The following RHOA variants were observed in gnomAD, a reference collection of about 807,000 sequenced individuals.
The protein encoded by RHOA is ras homolog family member A.
In RHOA, 3 loss-of-function variants were observed where a neutral mutation model predicts 17.5. The ratio of observed to expected loss-of-function variants is 0.17; its 90% CI spans 0.08 to 0.44. RHOA has a LOEUF of 0.44. Among genes scored for constraint, RHOA ranks in the 20% least tolerant of loss-of-function variants. RHOA has a pLI of 0.99. For synonymous variants in RHOA, 98 were observed against 88.4 expected (o/e 1.11, Z -0.61); for missense variants, 56 against 242.3 (o/e 0.23, Z 5.10).
At chr3:49,382,060 C>A (rs1440540820) in intron 1 of RHOA, among the ~76,000 whole-genome samples, 1 of 152,068 alleles carries the variant, frequency 6.6e-6, no homozygotes, top group Non-Finnish European at 1.5e-5. Context: ...TGGCTCACAC[C>A]TGTAATCCCA....
rs574275589 is a variant in RHOA at position 49,411,961 on chromosome 3, G to A, written c.-144C>T. The A allele has an allele frequency of 6.4e-6, 1 of 157,142 alleles. No individual in the cohort carries two copies. The highest frequency in any genetic ancestry group is 2.4e-5 in the African/African-American group (1 of 41,572). The allele number at this position is 157,142 out of a possible 1,614,324, so 9.7% of individuals were successfully genotyped here. A position where few individuals can be genotyped will look rare whatever the true frequency, so the allele number is the denominator to read the frequency against. ...GACGGAGGACCGCGGGCGGCGGGAG[G>A]GTAGCGCGAGAGAGCGAGGGCGGGC... On this transcript the variant is annotated 5_prime_UTR_variant, in exon 1 of 5. Coordinates refer to ENST00000418115, the MANE Select transcript of RHOA (RefSeq NM_001664.4).
At chr3:49,408,703 A>T (rs1210270150) in intron 1 of RHOA, among the ~76,000 whole-genome samples, 1 of 152,234 alleles carries the variant, frequency 6.6e-6, no homozygotes, top group African/African-American at 2.4e-5. Flanking sequence ...AAATTTAGTT[A>T]TATTAATGTG....
At chr3:49,387,148 A>C (rs1347793600) in intron 1 of RHOA, among the ~76,000 whole-genome samples, 19 of 93,104 alleles carry the variant, frequency 2.0e-4, no homozygotes, top group African/African-American at 5.9e-4. Context: ...AAAAAAAAAA[A>C]AAAAAAAAAA....
chr3:49,405,093 C>CA (rs72492742), intron 1 of RHOA, among the ~76,000 whole-genome samples: 6,966 of 133,774 alleles, frequency 0.052, 541 homozygotes, highest in African/African-American at 0.17. Flanking sequence ...ACTAAAAATA[C>CA]AAAAAAAAAA....
At chr3:49,399,196 C>T (rs148571180) in intron 1 of RHOA, among the ~76,000 whole-genome samples, 3 of 151,558 alleles carry the variant, frequency 2.0e-5, no homozygotes, top group Non-Finnish European at 4.4e-5. Flanking sequence ...AGTGAAACCC[C>T]GTCTCTACTA....
At chr3:49,365,023 A>G (rs1234920110) in intron 3 of RHOA, 1 of 151,616 alleles carries the variant, frequency 6.6e-6, no homozygotes, top group Non-Finnish European at 1.5e-5. Context: ...ACCATGACCC[A>G]CCTCTACAAA....
Position 49,360,340 on chromosome 3 carries a change from T to A in RHOA, c.451A>T (p.Ile151Phe). Residue 151 changes from isoleucine (I) to phenylalanine (F), a missense_variant, in exon 5 of 5, where the codon ATT becomes TTT. Transcript: ENST00000418115. Reference protein sequence around the residue: ...PEEGRDMANRIGAFGYMECSA... With the variant: ...PEEGRDMANRFGAFGYMECSA... ...CACTCCATGTACCCAAAAGCGCCAA[T>A]CCTGTTTGCCATATCTCTGCCTTCT... The A allele has an allele frequency of 6.2e-7, 1 of 1,613,730 alleles. No individual in the cohort carries two copies. Among genetic ancestry groups the A allele is most frequent in the Non-Finnish European group, 8.5e-7 (1 of 1,179,902 alleles).
chr3:49,375,941 C>T (rs553651140), intron 1 of RHOA, among the ~76,000 whole-genome samples: 3 of 152,050 alleles, frequency 2.0e-5, no homozygotes, highest in Admixed American at 6.6e-5. Flanking sequence ...TCCAGCCTCC[C>T]GGGTTCAAGC....
In RHOA at chr3:49,360,206, G is replaced by T. The variant is rs372122347; in HGVS notation, c.*3C>A. On this transcript the variant is annotated 3_prime_UTR_variant, in exon 5 of 5. Coordinates refer to ENST00000418115, the MANE Select transcript of RHOA (RefSeq NM_001664.4). ...GCATAAGGGCTGTGCTTGCAGCAAG[G>T]TTTCACAAGACAAGGCACCCAGATT... 17 of 1,612,608 alleles carry T rather than the reference G, an allele frequency of 1.1e-5. No homozygotes were observed. In the Admixed American group the frequency reaches 1.3e-4, roughly 13 times the overall value.
chr3:49,374,194 C>CA (rs2048188707), intron 2 of RHOA, among the ~76,000 whole-genome samples: 1 of 151,976 alleles, frequency 6.6e-6, no homozygotes, highest in Non-Finnish European at 1.5e-5. Context: ...ACTAAAAATA[C>CA]AAAAAATTAG....
At chr3:49,374,414 G>A (rs575882512) in intron 2 of RHOA, among the ~76,000 whole-genome samples, 49 of 152,016 alleles carry the variant, frequency 3.2e-4, no homozygotes, top group African/African-American at 1.1e-3. Flanking sequence ...TCAAATATAC[G>A]TAAACTTGAA....
chr3:49,372,445 G>T (rs1199626287), intron 2 of RHOA, among the ~76,000 whole-genome samples: 1 of 152,122 alleles, frequency 6.6e-6, no homozygotes. Context: ...GAATAAAAAA[G>T]AGCACAAACT....
chr3:49,393,648 C>T (rs1331361097), intron 1 of RHOA, among the ~76,000 whole-genome samples: 2 of 40,158 alleles, frequency 5.0e-5, no homozygotes, highest in Non-Finnish European at 9.8e-5. Flanking sequence ...CAGTTAGGAC[C>T]ACAGGTCCCT....
At position 49,360,126 on chromosome 3, in the gene RHOA, G is replaced by C; in HGVS notation, c.*83C>G. On this transcript the variant is annotated 3_prime_UTR_variant, in exon 5 of 5. Transcript: ENST00000418115. ...AATCTTAGGTAAATTATAGATAAAT[G>C]AAAAAGGCCAGTAATCATACACTAA... 7.4e-7 allele frequency: 1 copy of C among 1,353,316 alleles called. No homozygotes were observed. The highest frequency in any genetic ancestry group is 1.0e-6 in the Non-Finnish European group (1 of 987,834). The allele number at this position is 1,353,316 out of a possible 1,614,324, so 83.8% of individuals were successfully genotyped here. A position where few individuals can be genotyped will look rare whatever the true frequency, so the allele number is the denominator to read the frequency against.
rs764076948 is a variant in RHOA at position 49,362,654 on chromosome 3, G to T, written c.278-28C>A. 9 of 1,596,378 alleles carry T rather than the reference G, an allele frequency of 5.6e-6. No individual in the cohort carries two copies. The South Asian group carries it at 1.0e-4, about 18-fold the overall frequency. On this transcript the variant is annotated intron_variant, in intron 3 of 4. Transcript: ENST00000418115. ...GAAAGAAAAATGTAGAGAATTTGGG[G>T]ATACATACAATTCTATCTTGAAGAC... is the stretch of plus-strand genomic sequence containing the variant.
chr3:49,389,973 G>GT (rs1167896007), intron 1 of RHOA, among the ~76,000 whole-genome samples: 6 of 148,850 alleles, frequency 4.0e-5, no homozygotes, highest in Non-Finnish European at 7.4e-5. Context: ...AGACAAAACA[G>GT]TAAGACTTGA....
intron 1 of RHOA, among the ~76,000 whole-genome samples, chr3:49,400,101 A>G (rs1161402554): frequency 6.6e-6 from 1 of 151,306 alleles, no homozygotes; most frequent in Non-Finnish European, 1.5e-5. Context: ...AATCCCAGCT[A>G]CTCGGGAGGC....
intron 1 of RHOA, among the ~76,000 whole-genome samples, chr3:49,383,035 C>A (rs1375120533): frequency 6.9e-6 from 1 of 145,170 alleles, no homozygotes; most frequent in Non-Finnish European, 1.5e-5. Context: ...GCCTGGGCGA[C>A]AAGAGCAAAA....
intron 1 of RHOA, among the ~76,000 whole-genome samples, chr3:49,393,676 CTGTGTGTGTGTGTGTGTGTGTGTGTG>C (rs71080504): frequency 9.7e-5 from 1 of 10,360 alleles, no homozygotes; most frequent in African/African-American, 2.4e-4. Flanking sequence ...AATTCTCTCT[CTGTGTGTGTGTGTGTGTGTGTGTGTG>C]TGTGTGTGTG....
Sources: allele counts gnomAD v4.1 joint callset (sites outside exome capture counted in the v4.1 genomes callset), GRCh38; gene constraint gnomAD v4.1.1; transcripts MANE v1.5; gene names NCBI Gene and HGNC (gene_info 2026-07-23, HGNC 2026-07-21).